Variants in SLC22A2 observed in about 807,000 individuals in gnomAD.
SLC22A2 encodes organic cation transporter 2.
Under a neutral mutation model 60.5 loss-of-function variants are expected in SLC22A2, and 46 were observed. The observed-to-expected ratio is 0.76, with a 90% CI of 0.60 to 0.97. SLC22A2 has a LOEUF of 0.97. Among genes scored for constraint, SLC22A2 ranks in the 50% least tolerant of loss-of-function variants. The probability of loss-of-function intolerance (pLI) is 0.00; values close to 1 mark genes in which losing one functional copy is unlikely to be tolerated. For missense variants in SLC22A2, 701 were observed against 706.6 expected, an observed-to-expected ratio of 0.99 and a Z score of 0.09; for synonymous variants, 303 against 267.0, an observed-to-expected ratio of 1.13 and a Z score of -1.31.
At chr6:160,227,279 G>C (rs1249058597) in intron 9 of SLC22A2, among the ~76,000 whole-genome samples, 1 of 152,138 alleles carries the variant, frequency 6.6e-6, no homozygotes, top group African/African-American at 2.4e-5. Context: ...CATAATAAGA[G>C]CCTTGGTTTC....
chr6:160,258,658 C>T lies in SLC22A2; in HGVS notation c.100G>A (p.Ala34Thr). The T allele has an allele frequency of 6.2e-7, 1 of 1,613,386 alleles. No homozygotes were observed. The highest frequency in any genetic ancestry group is 8.5e-7 in the Non-Finnish European group (1 of 1,179,718). ...FLLALLSATF[A>T]PIYVGIVFLG... ...AAGACGATGCCCACGTAGATGGGCG[C>T]GAAGGTAGCCGAGAGCAGAGCCAAG... The change falls in exon 1 of 11, where the codon GCG becomes ACG. Residue 34 changes from alanine (A) to threonine (T), a missense_variant. By Grantham distance (58) the Ala-to-Thr change is moderately conservative. Transcript: ENST00000366953.
At chr6:160,237,205 T>C (rs911118358) in intron 9 of SLC22A2, among the ~76,000 whole-genome samples, 5 of 152,182 alleles carry the variant, frequency 3.3e-5, no homozygotes, top group Admixed American at 1.3e-4. Flanking sequence ...AATATAAAAA[T>C]CTGGATCAAT....
At chr6:160,258,249 G>A (rs999815388) in intron 1 of SLC22A2, 95 bp downstream of exon 1, 8 of 1,371,052 alleles carry the variant, frequency 5.8e-6, no homozygotes, top group Non-Finnish European at 6.9e-6. Flanking sequence ...AGATGTCCAG[G>A]CAGGGTTTAT....
intron 9 of SLC22A2, among the ~76,000 whole-genome samples, chr6:160,240,856 T>C (rs2114862233): frequency 6.6e-6 from 1 of 152,250 alleles, no homozygotes; most frequent in Middle Eastern, 3.4e-3. Context: ...CAGAGAAGGC[T>C]CAGTGCTGGT....
chr6:160,245,648 C>G (rs1185595208), intron 5 of SLC22A2, 103 bp from the exon 6 acceptor site: 4 of 563,056 alleles, frequency 7.1e-6, no homozygotes, highest in Non-Finnish European at 9.3e-6. Flanking sequence ...GCGCCCATCT[C>G]ATGCCCAGCA....
At position 160,217,430 on chromosome 6, in the gene SLC22A2, T is replaced by C; in HGVS notation, c.*2A>G. The C allele has an allele frequency of 6.3e-7, 1 of 1,593,338 alleles. No homozygotes were observed. The highest frequency in any genetic ancestry group is 8.6e-7 in the Non-Finnish European group (1 of 1,162,110). On this transcript the variant is annotated 3_prime_UTR_variant, in exon 11 of 11. Coordinates refer to ENST00000366953, the MANE Select transcript of SLC22A2 (RefSeq NM_003058.4). ...TCATGACAGCAGCAACGGTCTCTCT[T>C]CTTAGTTCAATGGAATGTCTAGTTT...
chr6:160,236,173 T>G (rs1355656898), intron 9 of SLC22A2, among the ~76,000 whole-genome samples: 1 of 152,220 alleles, frequency 6.6e-6, no homozygotes, highest in Non-Finnish European at 1.5e-5. Context: ...ACAGGTATTC[T>G]TGAATGCAGG....
At chr6:160,227,274 T>A (rs1246402149) in intron 9 of SLC22A2, among the ~76,000 whole-genome samples, 1 of 152,224 alleles carries the variant, frequency 6.6e-6, no homozygotes, top group Non-Finnish European at 1.5e-5. Flanking sequence ...ATCTACATAA[T>A]AAGAGCCTTG....
intron 9 of SLC22A2, among the ~76,000 whole-genome samples, chr6:160,235,823 A>C (rs1194011150): frequency 6.6e-6 from 1 of 152,098 alleles, no homozygotes; most frequent in Non-Finnish European, 1.5e-5. Context: ...ACACTAATGT[A>C]AAAGTGAAAT....
Position 160,241,559 on chromosome 6 carries a change from T to C in SLC22A2, c.1416A>G (p.Ser472=). 6.2e-7 allele frequency: 1 copy of C among 1,613,502 alleles called. No homozygotes were observed. Among genetic ancestry groups the C allele is most frequent in the Non-Finnish European group, 8.5e-7 (1 of 1,179,466 alleles). ...IRNLGVHICS[S]MCDIGGIITP... Reference sequence around the variant, plus strand: ...TGATGATGCCACCAATGTCACACATTGAGGAACAGATGTGGACGCCAAGAT... The same window carrying C: ...TGATGATGCCACCAATGTCACACATCGAGGAACAGATGTGGACGCCAAGAT... Residue 472 remains serine, a synonymous_variant, in exon 9 of 11, where the codon TCA becomes TCG. Transcript: ENST00000366953.
rs1782555225 is a variant in SLC22A2, at chr6:160,217,271, CCA to C, written c.*159_*160del. 1 of 416,050 alleles carries C rather than the reference CCA, an allele frequency of 2.4e-6. No individual in the cohort carries two copies. Among genetic ancestry groups the C allele is most frequent in the Non-Finnish European group, 4.3e-6 (1 of 234,452 alleles). 25.8% of individuals were successfully genotyped at this position (416,050 alleles called of 1,614,324 possible). On this transcript the variant is annotated 3_prime_UTR_variant, in exon 11 of 11. Transcript: ENST00000366953. ...AGGATCTGGTCCCATGGGTATTTTT[CCA>C]CAGTGTACAATAGACTCCACTGGCT... is the stretch of plus-strand genomic sequence containing the variant.
intron 9 of SLC22A2, among the ~76,000 whole-genome samples, chr6:160,239,341 A>T (rs1052825475): frequency 2.0e-5 from 3 of 152,244 alleles, no homozygotes; most frequent in Admixed American, 2.0e-4. Context: ...AAGTAACTAT[A>T]GGTTACTCAA....
At chr6:160,252,318 C>T (rs1237336580) in intron 2 of SLC22A2, among the ~76,000 whole-genome samples, 1 of 152,170 alleles carries the variant, frequency 6.6e-6, no homozygotes, top group East Asian at 1.9e-4. Context: ...TAGAACACCA[C>T]AGTAGTGCCC....
At chr6:160,224,927 C>T (rs897382998) in intron 9 of SLC22A2, 123 bp from the exon 10 acceptor site, 3 of 488,818 alleles carry the variant, frequency 6.1e-6, no homozygotes, top group Non-Finnish European at 1.1e-5. Context: ...TTACAGATTC[C>T]TTTGCCATCT....
At chr6:160,241,356 T>A in intron 9 of SLC22A2, 118 bp downstream of exon 9, 1 of 643,556 alleles carries the variant, frequency 1.6e-6, no homozygotes, top group Non-Finnish European at 2.8e-6. Flanking sequence ...ATTACTACTA[T>A]GAGTAGTAAT....
chr6:160,231,783 C>A (rs1043250003), intron 9 of SLC22A2, among the ~76,000 whole-genome samples: 6 of 151,892 alleles, frequency 4.0e-5, no homozygotes, highest in African/African-American at 1.2e-4. Flanking sequence ...TTTCCCCACT[C>A]CCCTTTCCAT....
At chr6:160,257,079 C>T (rs1194750617) in intron 1 of SLC22A2, among the ~76,000 whole-genome samples, 1 of 152,152 alleles carries the variant, frequency 6.6e-6, no homozygotes, top group African/African-American at 2.4e-5. Context: ...GTTTTCTTTA[C>T]ATAACCAAAA....
chr6:160,236,549 C>T (rs1015107575), intron 9 of SLC22A2, among the ~76,000 whole-genome samples: 7 of 152,072 alleles, frequency 4.6e-5, no homozygotes, highest in African/African-American at 1.7e-4. Flanking sequence ...TGCATAAGTG[C>T]AATAAGAATC....
rs534123921 is a variant in SLC22A2, at chr6:160,244,283, T to G, written c.1065-497A>C. ...TAGTAGACATGGGGTTTTGCCATGT[T>G]AACCAGGCTGGTCTTGAACTCCTGG... On this transcript the variant is annotated intron_variant, in intron 6 of 10. Coordinates refer to ENST00000366953, the MANE Select transcript of SLC22A2 (RefSeq NM_003058.4). 3.9e-5 allele frequency: 6 copies of G among 155,620 alleles called. No individual in the cohort carries two copies. The South Asian group carries it at 7.8e-4, about 20-fold the overall frequency. The allele number at this position is 155,620 out of a possible 1,614,324, so 9.6% of individuals were successfully genotyped here. A position where few individuals can be genotyped will look rare whatever the true frequency, so the allele number is the denominator to read the frequency against.
Sources: gnomAD v4.1 joint callset for allele counts (sites outside exome capture counted in the v4.1 genomes callset) on GRCh38, gnomAD v4.1.1 for gene constraint, MANE v1.5 for transcripts, NCBI Gene and HGNC (gene_info 2026-07-23, HGNC 2026-07-21) for gene names.